The following HECW1 variants were observed in gnomAD, a reference collection of about 807,000 sequenced individuals.
HECW1 encodes E3 ubiquitin-protein ligase HECW1.
A neutral mutation model predicts 182.3 loss-of-function variants in HECW1; 61 were observed. The ratio of observed to expected loss-of-function variants is 0.33; its 90% confidence interval spans 0.27 to 0.41. HECW1 has a LOEUF of 0.41. Among genes scored for constraint, HECW1 ranks in the 10% least tolerant of loss-of-function variants. The pLI, the probability that HECW1 is intolerant of heterozygous loss-of-function variation, is 1.00. For missense variants in HECW1, 1,739 were observed against 2,108.9 expected, an observed-to-expected ratio of 0.82 and a Z score of 3.44; for synonymous variants, 859 against 832.6, an observed-to-expected ratio of 1.03 and a Z score of -0.55.
At chr7:43,167,093 C>T (rs913732366) in intron 2 of HECW1, among the ~76,000 whole-genome samples, 13 of 152,196 alleles carry the variant, frequency 8.5e-5, no homozygotes, top group Non-Finnish European at 1.5e-4. Flanking sequence ...AACTTTATGG[C>T]CTAAAGCAAC....
At chr7:43,461,948 G>T (rs1454307971) in intron 13 of HECW1, among the ~76,000 whole-genome samples, 4 of 152,226 alleles carry the variant, frequency 2.6e-5, no homozygotes, top group African/African-American at 9.6e-5. Context: ...CGTTAGAAAT[G>T]CAGATTTTTC....
chr7:43,485,775 A>G (rs1029575364), intron 17 of HECW1, among the ~76,000 whole-genome samples: 1 of 152,226 alleles, frequency 6.6e-6, no homozygotes, highest in East Asian at 1.9e-4. Flanking sequence ...GCTCTGGGTG[A>G]GTCAGTGAGT....
intron 2 of HECW1, among the ~76,000 whole-genome samples, chr7:43,178,756 C>G (rs1317972627): frequency 1.3e-5 from 2 of 152,224 alleles, no homozygotes; most frequent in Non-Finnish European, 2.9e-5. Context: ...GGACTGTATG[C>G]TTTGAATCAC....
At chr7:43,502,535 G>T (rs1160486445) in intron 21 of HECW1, among the ~76,000 whole-genome samples, 1 of 152,062 alleles carries the variant, frequency 6.6e-6, no homozygotes, top group Non-Finnish European at 1.5e-5. Context: ...GGTGGTGCAC[G>T]CCTTTAGTAT....
At chr7:43,426,512 C>A (rs1350205417) in intron 8 of HECW1, among the ~76,000 whole-genome samples, 1 of 152,146 alleles carries the variant, frequency 6.6e-6, no homozygotes, top group African/African-American at 2.4e-5. Context: ...CATACAAATA[C>A]TGTTTTTGAT....
rs749319762 is a variant in HECW1, at chr7:43,554,576, C to T, written c.4511-16C>T. The T allele has an allele frequency of 4.4e-5, 70 of 1,605,846 alleles. No individual in the cohort carries two copies. Among genetic ancestry groups the T allele is most frequent in the Non-Finnish European group, 5.8e-5 (68 of 1,175,008 alleles). On this transcript the variant is annotated splice_polypyrimidine_tract_variant and intron_variant, in intron 28 of 29. Transcript: ENST00000395891. Reference sequence around the variant, plus strand: ...TCTCCACATCCTGTCTTCCTCCCTCCCTTTGCCTCGTGCAGGTTACCACGA... The same window carrying T: ...TCTCCACATCCTGTCTTCCTCCCTCTCTTTGCCTCGTGCAGGTTACCACGA...
At chr7:43,118,237 A>G (rs78137132) in intron 2 of HECW1, 8,334 of 152,752 alleles carry the variant, frequency 0.055, 302 homozygotes, top group Middle Eastern at 0.2. Flanking sequence ...GAAAGAAAAA[A>G]AAAAGATCAA....
In HECW1 at chr7:43,432,306, A is replaced by T. The variant is rs1200330371; in HGVS notation, c.802-5697A>T. ...AGGCGCCCGCCACTACACCCGGCTA[A>T]TTTTTTGTATTTTTAGTAGAGACGG... is the stretch of plus-strand genomic sequence containing the variant. On this transcript the variant is annotated intron_variant, in intron 8 of 29. Coordinates refer to ENST00000395891, the MANE Select transcript of HECW1 (RefSeq NM_015052.5). This position sits in a 1 kb window ranked among gnomAD's most constrained non-coding sequence, Gnocchi z 4.1. 6.7e-6 allele frequency among the ~76,000 whole-genome samples: 1 copy of T among 149,812 alleles called. No homozygotes were observed. Among genetic ancestry groups the T allele is most frequent in the East Asian group, 2.0e-4 (1 of 5,076 alleles).
At position 43,134,350 on chromosome 7, in the gene HECW1, C is replaced by T. The variant is rs546510748; in HGVS notation, c.-32+19959C>T. The stretch of plus-strand genomic sequence containing the variant: ...CAGAGGTTGCAGTGAGCCGAGATTG[C>T]ACCATTGCACTCCAGTGTGGGTAAG... On this transcript the variant is annotated intron_variant, in intron 2 of 29. Coordinates refer to ENST00000395891, the MANE Select transcript of HECW1 (RefSeq NM_015052.5). 4.7e-4 allele frequency among the ~76,000 whole-genome samples: 65 copies of T among 137,208 alleles called. 1 individual carries two copies. The highest frequency in any genetic ancestry group is 6.5e-4 in the Non-Finnish European group (43 of 65,958). The allele number at this position is 137,208 out of a possible 152,430, so 90.0% of individuals were successfully genotyped here.
At chr7:43,459,597 GC>G (rs1244285636) in intron 13 of HECW1, among the ~76,000 whole-genome samples, 2 of 151,880 alleles carry the variant, frequency 1.3e-5, no homozygotes, top group East Asian at 3.9e-4. Flanking sequence ...GAGTGCAGTG[GC>G]ATTATCTCAG....
chr7:43,335,205 C>T (rs555765984), intron 5 of HECW1, among the ~76,000 whole-genome samples: 3 of 152,272 alleles, frequency 2.0e-5, no homozygotes, highest in African/African-American at 7.2e-5. Flanking sequence ...CACAATCAGG[C>T]CTTACCCTTA....
At chr7:43,190,216 T>C (rs1793783688) in intron 2 of HECW1, among the ~76,000 whole-genome samples, 1 of 152,072 alleles carries the variant, frequency 6.6e-6, no homozygotes, top group Admixed American at 6.6e-5. Flanking sequence ...TGGGTTCAAG[T>C]GATTCTCCTG....
At chr7:43,475,370 A>G (rs1249998225) in intron 16 of HECW1, among the ~76,000 whole-genome samples, 1 of 152,224 alleles carries the variant, frequency 6.6e-6, no homozygotes, top group Non-Finnish European at 1.5e-5. Flanking sequence ...AATGTTCTAG[A>G]TGACTCTTGG....
Position 43,388,594 on chromosome 7 carries a change from T to C in HECW1, c.556-8220T>C, listed in dbSNP as rs142742707. Among the ~76,000 whole-genome samples, 90 of 152,316 alleles carry C rather than the reference T, an allele frequency of 5.9e-4. 1 individual carries two copies. The East Asian group carries it at 0.016, about 27-fold the overall frequency. ...TGTGATGCTTCTGAGGAGGATACTG[T>C]TTCTCAGCCCCAGGGTGTTACTGCT... is the stretch of plus-strand genomic sequence containing the variant. On this transcript the variant is annotated intron_variant, in intron 6 of 29. Transcript: ENST00000395891.
At chr7:43,378,475 T>A (rs12667830) in intron 6 of HECW1, among the ~76,000 whole-genome samples, 1 of 152,246 alleles carries the variant, frequency 6.6e-6, no homozygotes, top group Non-Finnish European at 1.5e-5. Flanking sequence ...TTCTGCATTG[T>A]CCTGTCAGAC....
chr7:43,390,116 C>A (rs2074961260), intron 6 of HECW1, among the ~76,000 whole-genome samples: 1 of 152,128 alleles, frequency 6.6e-6, no homozygotes, highest in South Asian at 2.1e-4. Flanking sequence ...ATTTTTCCAA[C>A]CCCTCTCTTT....
chr7:43,556,794 T>C lies in HECW1; in HGVS notation c.4709+2004T>C, dbSNP rs145996676. Among the ~76,000 whole-genome samples the C allele has an allele frequency of 4.9e-3, 751 of 152,236 alleles. 8 individuals carry two copies. The highest frequency in any genetic ancestry group is 0.017 in the African/African-American group (712 of 41,538). Reference sequence around the variant, plus strand: ...TGCTTCTGTTATCTGGGGTCACAGATTGAATGTAATTTCCATATTTGCTTT... The same window carrying C: ...TGCTTCTGTTATCTGGGGTCACAGACTGAATGTAATTTCCATATTTGCTTT... On this transcript the variant is annotated intron_variant, in intron 29 of 29. Transcript: ENST00000395891.
At chr7:43,248,709 TCC>T (rs1799705172) in intron 3 of HECW1, 1 of 125,364 alleles carries the variant, frequency 8.0e-6, no homozygotes, top group Middle Eastern at 3.7e-3. Flanking sequence ...CTCCTCCTCC[TCC>T]TCCTCCTCCT....
intron 2 of HECW1, chr7:43,207,694 T>A (rs1583974037): frequency 6.6e-6 from 1 of 152,302 alleles, no homozygotes; most frequent in South Asian, 2.1e-4. Flanking sequence ...AGATCAACAT[T>A]TTTAGTTTCC....
Sources: allele counts gnomAD v4.1 joint callset (sites outside exome capture counted in the v4.1 genomes callset), GRCh38; gene constraint gnomAD v4.1.1; non-coding constraint Gnocchi (gnomAD v3.1); transcripts MANE v1.5; gene names NCBI Gene and HGNC (gene_info 2026-07-23, HGNC 2026-07-21).